Variants in PMS1 observed in about 807,000 individuals in gnomAD.
The protein encoded by PMS1 is PMS1 homolog 1, mismatch repair system component.
Under a neutral mutation model 93.1 loss-of-function variants are expected in PMS1, and 79 were observed. The observed-to-expected ratio is 0.85, with a 90% CI of 0.71 to 1.02. PMS1 has a LOEUF of 1.02. Ranked by LOEUF, PMS1 falls within the 50% of genes least tolerant of loss-of-function variation. The pLI, the probability that PMS1 is intolerant of heterozygous loss-of-function variation, is 0.00. For synonymous variants in PMS1, 335 were observed against 363.4 expected (o/e 0.92, Z 0.89); for missense variants, 1,064 against 1,085.3 (o/e 0.98, Z 0.28).
rs766501073 is a variant in PMS1 at position 189,784,493 on chromosome 2, TGGGTGC to T, written c.-105_-100del. On this transcript the variant is annotated 5_prime_UTR_variant, in exon 1 of 13. Transcript: ENST00000441310. ...CCCGCTCTGCCGCGCGCGTGCGTGC[TGGGTGC>T]GGGTGCGGGTGCGGGGTTGGGCCTG... is the stretch of plus-strand genomic sequence containing the variant. The T allele has an allele frequency of 2.0e-5, 3 of 152,566 alleles. No homozygotes were observed. The highest frequency in any genetic ancestry group is 1.9e-4 in the East Asian group (1 of 5,202). The allele number at this position is 152,566 out of a possible 1,614,324, so 9.5% of individuals were successfully genotyped here.
At chr2:189,866,867 TATACA>T (rs1273116750) in intron 10 of PMS1, among the ~76,000 whole-genome samples, 3 of 152,210 alleles carry the variant, frequency 2.0e-5, no homozygotes, top group African/African-American at 7.2e-5. Flanking sequence ...CATTAATTGC[TATACA>T]GTATCATAAT....
At chr2:189,809,444 T>C (rs1488872187) in intron 4 of PMS1, among the ~76,000 whole-genome samples, 1 of 122,326 alleles carries the variant, frequency 8.2e-6, no homozygotes, top group Non-Finnish European at 1.7e-5. Flanking sequence ...AGGAAGCACA[T>C]TTCTTTTTTT....
At chr2:189,849,379 T>A (rs748136529) in intron 6 of PMS1, among the ~76,000 whole-genome samples, 2 of 152,218 alleles carry the variant, frequency 1.3e-5, no homozygotes, top group Non-Finnish European at 2.9e-5. Context: ...ACAATTTATT[T>A]GTTTTCATAT....
At chr2:189,835,655 G>A (rs1256240952) in intron 5 of PMS1, among the ~76,000 whole-genome samples, 1 of 152,050 alleles carries the variant, frequency 6.6e-6, no homozygotes. Context: ...CCTGGGTATG[G>A]TGGCTCACAC....
At chr2:189,829,206 G>A (rs1277603392) in intron 5 of PMS1, among the ~76,000 whole-genome samples, 1 of 152,118 alleles carries the variant, frequency 6.6e-6, no homozygotes, top group African/African-American at 2.4e-5. Flanking sequence ...TTAAGTGATG[G>A]CTTGCACTCT....
At chr2:189,794,314 C>T (rs1258162592) in intron 2 of PMS1, among the ~76,000 whole-genome samples, 2 of 152,064 alleles carry the variant, frequency 1.3e-5, no homozygotes, top group Non-Finnish European at 2.9e-5. Context: ...GAGGTTTCAC[C>T]ATGTTGACCA....
chr2:189,854,029 G>A lies in PMS1; in HGVS notation c.913G>A (p.Asp305Asn), dbSNP rs2106458531. 2 of 1,605,240 alleles carry A rather than the reference G, an allele frequency of 1.2e-6. No individual in the cohort carries two copies. The highest frequency in any genetic ancestry group is 4.5e-5 in the East Asian group (2 of 44,530). Residue 305 changes from aspartate (D) to asparagine (N), a missense_variant, in exon 8 of 13, where the codon GAT becomes AAT. By Grantham distance (23) the Asp-to-Asn change is conservative. Coordinates refer to ENST00000441310, the MANE Select transcript of PMS1 (RefSeq NM_000534.5). Reference protein sequence around the residue: ...FFLKIDVPTADVDVNLTPDKS... With the variant: ...FFLKIDVPTANVDVNLTPDKS... ...TCTGAAAATCGATGTTCCTACAGCT[G>A]ATGTTGATGTAAATTTAACACCAGA...
At chr2:189,835,786 G>T (rs536501456) in intron 5 of PMS1, among the ~76,000 whole-genome samples, 1 of 151,788 alleles carries the variant, frequency 6.6e-6, no homozygotes. Context: ...AAATTAGCTG[G>T]GCGTGGTAGT....
At chr2:189,838,511 G>A (rs921287512) in intron 5 of PMS1, among the ~76,000 whole-genome samples, 2 of 152,052 alleles carry the variant, frequency 1.3e-5, no homozygotes, top group African/African-American at 4.8e-5. Context: ...TTCTTATCTT[G>A]TTGAGTGTTA....
intron 11 of PMS1, among the ~76,000 whole-genome samples, chr2:189,869,858 G>A (rs896689964): frequency 6.7e-6 from 1 of 149,688 alleles, no homozygotes; most frequent in Non-Finnish European, 1.5e-5. Flanking sequence ...GGTTGTTGTT[G>A]TTTTAAGGAT....
At chr2:189,799,299 C>T (rs1411949467) in intron 3 of PMS1, among the ~76,000 whole-genome samples, 1 of 152,188 alleles carries the variant, frequency 6.6e-6, no homozygotes, top group East Asian at 1.9e-4. Context: ...TCTTACAAGT[C>T]TTTGGGAAAA....
chr2:189,834,446 A>G (rs778299945), intron 5 of PMS1, among the ~76,000 whole-genome samples: 3 of 152,236 alleles, frequency 2.0e-5, no homozygotes, highest in Non-Finnish European at 4.4e-5. Flanking sequence ...GTAGGAGACT[A>G]ACAAAATAAG....
At chr2:189,809,443 A>ATTTTTTTTT (rs1455268614) in intron 4 of PMS1, among the ~76,000 whole-genome samples, 2 of 29,486 alleles carry the variant, frequency 6.8e-5, no homozygotes, top group African/African-American at 3.3e-4. Flanking sequence ...AAGGAAGCAC[A>ATTTTTTTTT]TTTCTTTTTT....
At chr2:189,828,327 C>T (rs1575167975) in intron 5 of PMS1, among the ~76,000 whole-genome samples, 1 of 152,192 alleles carries the variant, frequency 6.6e-6, no homozygotes, top group Non-Finnish European at 1.5e-5. Context: ...TGAATGTTGT[C>T]ATCACAAAGA....
chr2:189,816,521 A>C (rs1435625291), intron 4 of PMS1, among the ~76,000 whole-genome samples: 1 of 152,160 alleles, frequency 6.6e-6, no homozygotes, highest in Non-Finnish European at 1.5e-5. Flanking sequence ...TTTTCTTCCT[A>C]AAATATTTCT....
At chr2:189,875,888 TG>T (rs2057517382) in intron 12 of PMS1, among the ~76,000 whole-genome samples, 2 of 130,038 alleles carry the variant, frequency 1.5e-5, no homozygotes, top group Admixed American at 1.9e-4. Flanking sequence ...ACCCAGGAGG[TG>T]GAAGTTGGAG....
At chr2:189,866,607 A>G (rs1003476165) in intron 10 of PMS1, among the ~76,000 whole-genome samples, 2 of 152,174 alleles carry the variant, frequency 1.3e-5, no homozygotes, top group African/African-American at 2.4e-5. Flanking sequence ...TTAGGTACCT[A>G]TAAAGTAAGG....
chr2:189,846,951 C>G (rs558026330), intron 6 of PMS1, among the ~76,000 whole-genome samples: 9 of 151,156 alleles, frequency 6.0e-5, no homozygotes, highest in Non-Finnish European at 4.4e-5. Flanking sequence ...AACCTCTGCC[C>G]CCCGGGTTCA....
intron 3 of PMS1, 54 bp from the exon 4 acceptor site, chr2:189,805,594 TAATG>T (rs2050262941): frequency 1.6e-6 from 2 of 1,284,928 alleles, no homozygotes; most frequent in Non-Finnish European, 2.3e-6. Flanking sequence ...AAATCTTTGA[TAATG>T]AACCCATCGC....
Sources: gnomAD v4.1 joint callset for allele counts (sites outside exome capture counted in the v4.1 genomes callset) on GRCh38, gnomAD v4.1.1 for gene constraint, MANE v1.5 for transcripts, NCBI Gene and HGNC (gene_info 2026-07-23, HGNC 2026-07-21) for gene names.